Variants in LSS observed in about 807,000 individuals in gnomAD.
LSS encodes the protein lanosterol synthase, also known as 2,3-epoxysqualene-lanosterol cyclase.
LSS carries 90 observed loss-of-function variants against 110.3 expected under a neutral mutation model. That is an observed-to-expected ratio of 0.82 (90% confidence interval 0.69 to 0.97). LSS has a LOEUF of 0.97. Among genes scored for constraint, LSS ranks in the 50% least tolerant of loss-of-function variants. The pLI is 0.00. For missense variants in LSS, 927 were observed against 990.0 expected (o/e 0.94, Z 0.85); for synonymous variants, 433 against 400.0 (o/e 1.08, Z -0.98).
At position 46,216,878 on chromosome 21, in the gene LSS, T is replaced by G. The variant is rs1465827276; in HGVS notation, c.648-354A>C. Among the ~76,000 whole-genome samples, 1 of 152,142 alleles carries G rather than the reference T, an allele frequency of 6.6e-6. No individual in the cohort carries two copies. Among genetic ancestry groups the G allele is most frequent in the Admixed American group, 6.5e-5 (1 of 15,282 alleles). On this transcript the variant is annotated intron_variant, in intron 6 of 21. Coordinates refer to ENST00000397728, the MANE Select transcript of LSS (RefSeq NM_002340.6). The surrounding 1 kb of genome is among the most constrained non-coding windows in gnomAD (Gnocchi z 4.2). ...ATGGTGTGAGGGCCCCAGGGAACAC[T>G]CTTGGCTATCTTTGCAACTTTTCCA...
chr21:46,222,441 G>T, intron 4 of LSS, 189 bp downstream of exon 4: 1 of 584,290 alleles, frequency 1.7e-6, no homozygotes, highest in South Asian at 2.1e-5. Flanking sequence ...AACAAAAGAT[G>T]TGAAGCCGAG....
chr21:46,222,091 GACATA>G (rs2080286405), intron 4 of LSS, 116 bp from the exon 5 acceptor site: 2 of 1,173,126 alleles, frequency 1.7e-6, no homozygotes, highest in Admixed American at 4.3e-5. Flanking sequence ...GCCTTAACCT[GACATA>G]ACATGCCAAC....
At position 46,188,918 on chromosome 21, in the gene LSS, C is replaced by G. The variant is rs2079766936; in HGVS notation, c.*2186G>C. The G allele has an allele frequency of 2.6e-6, 1 of 388,200 alleles. No homozygotes were observed. Among genetic ancestry groups the G allele is most frequent in the African/African-American group, 2.1e-5 (1 of 47,322 alleles). 24.0% of individuals were successfully genotyped at this position (388,200 alleles called of 1,614,324 possible). A position where few individuals can be genotyped will look rare whatever the true frequency, so the allele number is the denominator to read the frequency against. ...CTGGATATGCTTATGGCCTTTAAAA[C>G]ATATTAAAATAGGCTATGCTATTAT... is the stretch of plus-strand genomic sequence containing the variant. On this transcript the variant is annotated 3_prime_UTR_variant, in exon 22 of 22. Coordinates refer to ENST00000397728, the MANE Select transcript of LSS (RefSeq NM_002340.6).
chr21:46,225,695 G>A (rs1380462596), intron 3 of LSS, among the ~76,000 whole-genome samples: 5 of 152,094 alleles, frequency 3.3e-5, no homozygotes, highest in Non-Finnish European at 7.4e-5. Flanking sequence ...CAGAAATAAT[G>A]GCATAAGCTG....
intron 17 of LSS, 104 bp downstream of exon 17, chr21:46,205,732 T>C: frequency 1.2e-6 from 1 of 814,194 alleles, no homozygotes; most frequent in Non-Finnish European, 2.0e-6. Context: ...TCCATGAGTT[T>C]CGCTTCTGAG....
At chr21:46,215,859 G>A in intron 7 of LSS, 66 bp from the exon 8 acceptor site, 2 of 1,103,462 alleles carry the variant, frequency 1.8e-6, no homozygotes, top group Non-Finnish European at 2.6e-6. Flanking sequence ...CAAACCAGGA[G>A]GGGTGGCCTC....
At chr21:46,203,153 C>T (rs1260669421) in intron 17 of LSS, among the ~76,000 whole-genome samples, 1 of 152,208 alleles carries the variant, frequency 6.6e-6, no homozygotes. Context: ...GGGATGGGGG[C>T]TGACCCAGGC....
At position 46,191,033 on chromosome 21, in the gene LSS, C is replaced by A; in HGVS notation, c.*71G>T. The A allele has an allele frequency of 6.3e-7, 1 of 1,583,532 alleles. No individual in the cohort carries two copies. The highest frequency in any genetic ancestry group is 2.1e-4 in the Middle Eastern group (1 of 4,796). The stretch of plus-strand genomic sequence containing the variant: ...AGCCCAAGACAGGGTTATGGGAGGG[C>A]TCCCCAACCCGGCCAGGACCCCTTG... On this transcript the variant is annotated 3_prime_UTR_variant, in exon 22 of 22. Transcript: ENST00000397728.
Position 46,219,642 on chromosome 21 carries a change from G to A in LSS, c.551-70C>T. 4 of 988,148 alleles carry A rather than the reference G, an allele frequency of 4.0e-6. No individual in the cohort carries two copies. The South Asian group carries it at 6.9e-5, about 17-fold the overall frequency. The allele number at this position is 988,148 out of a possible 1,614,324, so 61.2% of individuals were successfully genotyped here. A position where few individuals can be genotyped will look rare whatever the true frequency, so the allele number is the denominator to read the frequency against. On this transcript the variant is annotated intron_variant, in intron 5 of 21. Coordinates refer to ENST00000397728, the MANE Select transcript of LSS (RefSeq NM_002340.6). ...CAAAGTCTGCACTGCCTCTAGCTGGGAAGCTTCACCCTCTGGGAGTCACGT... is the reference window on the plus strand; with the variant it reads ...CAAAGTCTGCACTGCCTCTAGCTGGAAAGCTTCACCCTCTGGGAGTCACGT...
chr21:46,196,140 T>C, intron 18 of LSS, 62 bp downstream of exon 18: 1 of 1,493,930 alleles, frequency 6.7e-7, no homozygotes, highest in Non-Finnish European at 9.3e-7. Flanking sequence ...GAACGCAGTG[T>C]GTGAGAGCAG....
At chr21:46,208,788 G>A (rs2080088438) in intron 13 of LSS, among the ~76,000 whole-genome samples, 2 of 152,212 alleles carry the variant, frequency 1.3e-5, no homozygotes, top group Admixed American at 6.5e-5. Flanking sequence ...GCAGGAGCAG[G>A]AGCAGGCCAC....
chr21:46,201,786 A>C (rs1218619054), intron 17 of LSS, among the ~76,000 whole-genome samples: 1 of 142,520 alleles, frequency 7.0e-6, no homozygotes, highest in Non-Finnish European at 1.5e-5. Flanking sequence ...AAAACTCTCC[A>C]GGTAAGTTTA....
intron 17 of LSS, among the ~76,000 whole-genome samples, chr21:46,205,052 C>T (rs1461658434): frequency 1.3e-5 from 2 of 152,152 alleles, no homozygotes; most frequent in Non-Finnish European, 2.9e-5. Flanking sequence ...ATCACATACC[C>T]TATAACGTAC....
rs773526682 is a variant in LSS, at chr21:46,221,979, C to CTCCTGT, written c.429-5_429-4insACAGGA. On this transcript the variant is annotated splice_polypyrimidine_tract_variant and splice_region_variant and intron_variant, in intron 4 of 21. Coordinates refer to ENST00000397728, the MANE Select transcript of LSS (RefSeq NM_002340.6). ...GGTGGACTTATCCTCAATGTGCCTA[C>CTCCTGT]AGGAGCAGAGGACAGGTGAGAAACC... The CTCCTGT allele has an allele frequency of 6.2e-7, 1 of 1,614,132 alleles. No homozygotes were observed. The highest frequency in any genetic ancestry group is 8.5e-7 in the Non-Finnish European group (1 of 1,180,014).
intron 9 of LSS, 146 bp from the exon 10 acceptor site, chr21:46,213,981 C>T: frequency 3.1e-6 from 2 of 653,342 alleles, no homozygotes; most frequent in South Asian, 3.4e-5. Flanking sequence ...TCTGCTCTAA[C>T]AGGCATTTCC....
In LSS at chr21:46,209,839, G is replaced by A. The variant is rs572108875; in HGVS notation, c.1195-214C>T. 8.6e-5 allele frequency among the ~76,000 whole-genome samples: 13 copies of A among 152,040 alleles called. No homozygotes were observed. The highest frequency in any genetic ancestry group is 2.9e-5 in the Non-Finnish European group (2 of 67,998). On this transcript the variant is annotated intron_variant, in intron 12 of 21. Coordinates refer to ENST00000397728, the MANE Select transcript of LSS (RefSeq NM_002340.6). The surrounding 1 kb of genome is among the most constrained non-coding windows in gnomAD (Gnocchi z 4.4). ...GAGATATGACTGAAGATGGAAGGGC[G>A]CAGGAGACCATTTATGGATGCCAGC...
rs2080182211 is a variant in LSS, at chr21:46,215,094, C to T, written c.1011+86G>A. On this transcript the variant is annotated intron_variant, in intron 9 of 21. Transcript: ENST00000397728. The stretch of plus-strand genomic sequence containing the variant: ...ACACCAGGCTCCAGGAAACCCCACT[C>T]CCAGCTCACAGCCCGGCCTCTAGGA... 36 of 1,135,748 alleles carry T rather than the reference C, an allele frequency of 3.2e-5. 1 individual carries two copies. The South Asian group carries it at 4.5e-4, about 14-fold the overall frequency. The allele number at this position is 1,135,748 out of a possible 1,614,324, so 70.4% of individuals were successfully genotyped here.
rs193041339 is a variant in LSS at position 46,215,899 on chromosome 21, G to A, written c.784-106C>T. 10 of 711,226 alleles carry A rather than the reference G, an allele frequency of 1.4e-5. No individual in the cohort carries two copies. The African/African-American group carries it at 1.6e-4, about 12-fold the overall frequency. 44.1% of individuals were successfully genotyped at this position (711,226 alleles called of 1,614,324 possible). On this transcript the variant is annotated intron_variant, in intron 7 of 21. Coordinates refer to ENST00000397728, the MANE Select transcript of LSS (RefSeq NM_002340.6). ...CATCCGCCCTCAGGGCCCTGGGCCA[G>A]TCCCTTCCTGGGTGGGGGTCCCTCC... is the stretch of plus-strand genomic sequence containing the variant.
At position 46,216,179 on chromosome 21, in the gene LSS, TA is replaced by T. The variant is rs2123744047; in HGVS notation, c.783+209del. On this transcript the variant is annotated intron_variant, in intron 7 of 21. Coordinates refer to ENST00000397728, the MANE Select transcript of LSS (RefSeq NM_002340.6). This position sits in a 1 kb window ranked among gnomAD's most constrained non-coding sequence, Gnocchi z 4.2. ...CCCCCCAGGAACCCTGGGCTACAGC[TA>T]CTGACTGTCCCATAGCACAAGTCCC... Among the ~76,000 whole-genome samples the T allele has an allele frequency of 6.6e-6, 1 of 152,314 alleles. No individual in the cohort carries two copies. The highest frequency in any genetic ancestry group is 2.4e-5 in the African/African-American group (1 of 41,576).
Sources: gnomAD v4.1 joint callset for allele counts (sites outside exome capture counted in the v4.1 genomes callset) on GRCh38, gnomAD v4.1.1 for gene constraint, Gnocchi (gnomAD v3.1) non-coding constraint, MANE v1.5 for transcripts, NCBI Gene and HGNC (gene_info 2026-07-23, HGNC 2026-07-21) for gene names.